The following STK39 variants were observed in gnomAD, a reference collection of about 807,000 sequenced individuals.
STK39 encodes STE20/SPS1-related proline-alanine-rich protein kinase.
A neutral mutation model predicts 77.8 loss-of-function variants in STK39; 20 were observed. The observed-to-expected ratio is 0.26, with a 90% confidence interval of 0.18 to 0.37. STK39 has a LOEUF of 0.37. STK39 is among the 10% of genes least tolerant of loss of function. The pLI, the probability that STK39 is intolerant of heterozygous loss-of-function variation, is 1.00. For synonymous variants in STK39, 246 were observed against 234.1 expected (o/e 1.05, Z -0.47); for missense variants, 479 against 656.5 (o/e 0.73, Z 2.95).
chr2:168,233,021 T>C (rs952828076), intron 1 of STK39, among the ~76,000 whole-genome samples: 7 of 152,210 alleles, frequency 4.6e-5, no homozygotes, highest in Non-Finnish European at 1.0e-4. Flanking sequence ...CATCATCTCT[T>C]GGCCCTAGAG....
At chr2:168,185,627 C>T (rs1278697745) in intron 1 of STK39, among the ~76,000 whole-genome samples, 1 of 152,156 alleles carries the variant, frequency 6.6e-6, no homozygotes, top group Non-Finnish European at 1.5e-5. Flanking sequence ...AGTATTCTAA[C>T]TTTGCATTTC....
intron 5 of STK39, among the ~76,000 whole-genome samples, chr2:168,153,996 C>T (rs995460852): frequency 3.9e-5 from 6 of 152,188 alleles, no homozygotes; most frequent in Non-Finnish European, 8.8e-5. Context: ...CACAGAGGGG[C>T]AAAGGCAGAA....
At chr2:168,240,743 G>A (rs558357923) in intron 1 of STK39, among the ~76,000 whole-genome samples, 14 of 152,354 alleles carry the variant, frequency 9.2e-5, no homozygotes, top group African/African-American at 3.1e-4. Flanking sequence ...TCCAAACACT[G>A]GTATACAGTC....
intron 7 of STK39, 105 bp from the exon 8 acceptor site, chr2:168,138,326 A>T: frequency 7.1e-7 from 1 of 1,410,852 alleles, no homozygotes; most frequent in Non-Finnish European, 9.4e-7. Context: ...GATTAGATAC[A>T]AAGTGCTTTC....
chr2:168,009,172 T>C (rs1034647836), intron 16 of STK39, among the ~76,000 whole-genome samples: 1 of 152,040 alleles, frequency 6.6e-6, no homozygotes, highest in Non-Finnish European at 1.5e-5. Context: ...CAGAAATAGC[T>C]GTAATGGGAG....
chr2:168,018,885 A>G (rs1179856428), intron 14 of STK39, among the ~76,000 whole-genome samples: 1 of 152,202 alleles, frequency 6.6e-6, no homozygotes, highest in Non-Finnish European at 1.5e-5. Context: ...AAGGATACAC[A>G]GGGCATGGCA....
At chr2:168,158,698 T>G (rs965081190) in intron 5 of STK39, among the ~76,000 whole-genome samples, 4 of 152,204 alleles carry the variant, frequency 2.6e-5, no homozygotes, top group Non-Finnish European at 5.9e-5. Flanking sequence ...GGCAACTGAC[T>G]TCCCCACTGT....
chr2:168,143,728 T>A (rs75571800), intron 5 of STK39, among the ~76,000 whole-genome samples: 2 of 150,506 alleles, frequency 1.3e-5, no homozygotes, highest in Non-Finnish European at 3.0e-5. Context: ...AAAAAAAAAG[T>A]CTTTCAAGGC....
chr2:168,138,101 C>G lies in STK39; in HGVS notation c.961G>C (p.Asp321His), dbSNP rs1687885577. The change falls in exon 8 of 18, where the codon GAT (aspartate) becomes CAT (histidine). Residue 321 changes from aspartate (D) to histidine (H), a missense_variant. This residue lies in a region of STK39 where 244 missense variants were observed against 296.8 expected (regional missense o/e 0.82). Coordinates refer to ENST00000355999, the MANE Select transcript of STK39 (RefSeq NM_013233.3). ...AGTTTCACTTACCTTTTGGAAGGAT[C>G]TTTCTGAAGACACAGTGAAAGTAAT... is the stretch of plus-strand genomic sequence containing the variant. ...RKLLSLCLQK[D>H]PSKRPTAAEL... is the part of the protein sequence containing the mutation. The G allele has an allele frequency of 6.2e-7, 1 of 1,613,592 alleles. No individual in the cohort carries two copies. The highest frequency in any genetic ancestry group is 1.7e-5 in the Admixed American group (1 of 59,986).
At chr2:168,143,226 A>T (rs1688041169) in intron 5 of STK39, among the ~76,000 whole-genome samples, 1 of 152,238 alleles carries the variant, frequency 6.6e-6, no homozygotes, top group Non-Finnish European at 1.5e-5. Flanking sequence ...TGTCATCCTA[A>T]TAACAAAAAG....
At chr2:168,152,097 C>T (rs936437439) in intron 5 of STK39, among the ~76,000 whole-genome samples, 1 of 152,174 alleles carries the variant, frequency 6.6e-6, no homozygotes, top group South Asian at 2.1e-4. Flanking sequence ...GGAGTCCCAG[C>T]CCAGATGTGC....
chr2:168,172,677 GTT>G (rs1248988132), intron 2 of STK39, among the ~76,000 whole-genome samples: 1 of 152,154 alleles, frequency 6.6e-6, no homozygotes, highest in Non-Finnish European at 1.5e-5. Flanking sequence ...AAAGGGAAGA[GTT>G]TAAATGATTC....
At chr2:168,015,332 C>T (rs746076533) in intron 15 of STK39, among the ~76,000 whole-genome samples, 5 of 152,198 alleles carry the variant, frequency 3.3e-5, no homozygotes, top group African/African-American at 4.8e-5. Context: ...AAGCATAATG[C>T]ATGTGAACTG....
At chr2:168,144,927 G>A (rs972056599) in intron 5 of STK39, among the ~76,000 whole-genome samples, 3 of 150,874 alleles carry the variant, frequency 2.0e-5, no homozygotes, top group Admixed American at 6.6e-5. Context: ...GACGCAGTAA[G>A]CCATGATCAT....
intron 2 of STK39, among the ~76,000 whole-genome samples, chr2:168,179,459 C>CG (rs1559135143): frequency 1.3e-5 from 2 of 151,940 alleles, no homozygotes; most frequent in South Asian, 2.1e-4. Flanking sequence ...CCATTTCCCC[C>CG]CTCTCTAAAT....
chr2:168,000,619 G>C (rs759725077), intron 16 of STK39, among the ~76,000 whole-genome samples: 40 of 152,342 alleles, frequency 2.6e-4, no homozygotes, highest in Non-Finnish European at 4.9e-4. Context: ...GTGAGGAATT[G>C]ATAGTCAACC....
Position 167,964,654 on chromosome 2 carries a change from C to T in STK39, c.1563+8G>A, listed in dbSNP as rs1229844527. On this transcript the variant is annotated splice_region_variant and intron_variant, in intron 17 of 17. Coordinates refer to ENST00000355999, the MANE Select transcript of STK39 (RefSeq NM_013233.3). Reference sequence around the variant, plus strand: ...ATTACCTCCTTCTTTCCATAACTTTCCACTTACCAACTTAAATGTCAATGT... The same window carrying T: ...ATTACCTCCTTCTTTCCATAACTTTTCACTTACCAACTTAAATGTCAATGT... 3 of 1,608,438 alleles carry T rather than the reference C, an allele frequency of 1.9e-6. No homozygotes were observed. Among genetic ancestry groups the T allele is most frequent in the Non-Finnish European group, 8.5e-7 (1 of 1,176,642 alleles).
chr2:168,162,885 G>C (rs1688609853), intron 4 of STK39, among the ~76,000 whole-genome samples: 1 of 151,868 alleles, frequency 6.6e-6, no homozygotes, highest in African/African-American at 2.4e-5. Flanking sequence ...AAATTAGCCA[G>C]GCATGGTGCC....
At chr2:168,134,034 A>T (rs1028168) in intron 8 of STK39, among the ~76,000 whole-genome samples, 71,064 of 151,972 alleles carry the variant, frequency 0.47, 16,592 homozygotes, top group East Asian at 0.5. Context: ...AGTACAGCCT[A>T]CCTTTTAGCT....
Sources: allele counts gnomAD v4.1 joint callset (sites outside exome capture counted in the v4.1 genomes callset), GRCh38; gene constraint gnomAD v4.1.1; regional missense constraint gnomAD v4.1.1; transcripts MANE v1.5; gene names NCBI Gene and HGNC (gene_info 2026-07-23, HGNC 2026-07-21).